The following ESRRB variants were observed in gnomAD, a reference collection of about 807,000 sequenced individuals.
ESRRB encodes the protein estrogen related receptor beta, also known as steroid hormone receptor ERR2.
ESRRB carries 16 observed loss-of-function variants against 46.0 expected under a neutral mutation model. That is an observed-to-expected ratio of 0.35 (90% CI 0.24 to 0.53). The LOEUF (loss-of-function observed/expected upper bound fraction) is 0.53. Among genes scored for constraint, ESRRB ranks in the 20% least tolerant of loss-of-function variants. The pLI is 0.93. For missense variants in ESRRB, 488 were observed against 607.4 expected (o/e 0.80, Z 2.07); for synonymous variants, 246 against 259.6 (o/e 0.95, Z 0.50).
At chr14:76,328,698 C>T (rs1883967254) in intron 1 of ESRRB, among the ~76,000 whole-genome samples, 1 of 152,152 alleles carries the variant, frequency 6.6e-6, no homozygotes. Flanking sequence ...CACACAGACC[C>T]TTCATGACTC....
In ESRRB at chr14:76,456,038, G is replaced by GCGCACA. The variant is rs1555399437; in HGVS notation, c.461-6506_461-6505insGCACAC. Among the ~76,000 whole-genome samples, 394 of 137,292 alleles carry GCGCACA rather than the reference G, an allele frequency of 2.9e-3. 4 individuals carry two copies. The highest frequency in any genetic ancestry group is 0.01 in the African/African-American group (377 of 37,082). The allele number at this position is 137,292 out of a possible 152,430, so 90.1% of individuals were successfully genotyped here. A position where few individuals can be genotyped will look rare whatever the true frequency, so the allele number is the denominator to read the frequency against. On this transcript the variant is annotated intron_variant, in intron 2 of 6. Coordinates refer to ENST00000644823, the MANE Select transcript of ESRRB (RefSeq NM_001379180.1). ...AGCCTGGGCAACAAGAGCGAAACTC[G>GCGCACA]CACACACACACACACACACACACAC...
At chr14:76,479,243 A>G (rs75692159) in intron 3 of ESRRB, among the ~76,000 whole-genome samples, 4 of 151,048 alleles carry the variant, frequency 2.6e-5, no homozygotes, top group South Asian at 2.1e-4. Flanking sequence ...GTACGTGTGC[A>G]TGCGTGCGTG....
intron 1 of ESRRB, among the ~76,000 whole-genome samples, chr14:76,345,884 T>C (rs532322856): frequency 1.3e-5 from 2 of 152,330 alleles, no homozygotes; most frequent in African/African-American, 4.8e-5. Flanking sequence ...CTGTGTGTCT[T>C]GCTTTCCCAG....
intron 1 of ESRRB, among the ~76,000 whole-genome samples, chr14:76,354,160 C>T (rs564131479): frequency 6.6e-6 from 1 of 151,410 alleles, no homozygotes; most frequent in African/African-American, 2.4e-5. Flanking sequence ...CTTCCTCACC[C>T]CCGGGAAATC....
chr14:76,372,735 G>A (rs1450358572), upstream of ESRRB, among the ~76,000 whole-genome samples: 2 of 152,206 alleles, frequency 1.3e-5, no homozygotes, highest in East Asian at 1.9e-4. Context: ...GGGAGGCTGA[G>A]GTGAGAGGAT....
intron 5 of ESRRB, among the ~76,000 whole-genome samples, chr14:76,490,279 C>T (rs1890173531): frequency 6.6e-6 from 1 of 152,218 alleles, no homozygotes; most frequent in South Asian, 2.1e-4. Flanking sequence ...GGTTAAGATG[C>T]TTGAAAATCA....
intron 5 of ESRRB, among the ~76,000 whole-genome samples, chr14:76,485,380 G>A (rs1889967748): frequency 6.6e-6 from 1 of 151,526 alleles, no homozygotes; most frequent in South Asian, 2.1e-4. Flanking sequence ...TGGGACTACA[G>A]GCACGTGCCA....
At chr14:76,410,913 A>G (rs1233386708) in intron 1 of ESRRB, among the ~76,000 whole-genome samples, 2 of 151,890 alleles carry the variant, frequency 1.3e-5, no homozygotes, top group Non-Finnish European at 2.9e-5. Flanking sequence ...CCTCCCGAGT[A>G]GCTGAGATTA....
Position 76,500,605 on chromosome 14 carries a change from G to T in ESRRB, c.*2147G>T. 4.4e-6 allele frequency: 6 copies of T among 1,366,206 alleles called. No individual in the cohort carries two copies. Among genetic ancestry groups the T allele is most frequent in the Non-Finnish European group, 6.3e-6 (6 of 957,074 alleles). 84.6% of individuals were successfully genotyped at this position (1,366,206 alleles called of 1,614,324 possible). On this transcript the variant is annotated 3_prime_UTR_variant, in exon 7 of 7. Transcript: ENST00000644823. Reference sequence around the variant, plus strand: ...GTGTCCTTGCAGCGGGGCCGAGGTAGCACCCTGCTCTGTCACTTCCTGCTC... The same window carrying T: ...GTGTCCTTGCAGCGGGGCCGAGGTATCACCCTGCTCTGTCACTTCCTGCTC...
rs568690498 is a variant in ESRRB at position 76,345,918 on chromosome 14, C to T, written c.2+35002C>T. ...AGGGCTGCTGTCACAAATTGCCACA[C>T]ACCAGGTAGCTTCAAACAACAGAAA... On this transcript the variant is annotated intron_variant, in intron 1 of 6. Coordinates refer to the ESRRB transcript ENST00000512784. Among the ~76,000 whole-genome samples the T allele has an allele frequency of 5.9e-5, 9 of 152,330 alleles. No individual in the cohort carries two copies. In the South Asian group the frequency reaches 1.9e-3, roughly 32 times the overall value.
intron 1 of ESRRB, among the ~76,000 whole-genome samples, chr14:76,383,484 T>C (rs553754258): frequency 1.4e-4 from 22 of 152,330 alleles, no homozygotes; most frequent in African/African-American, 5.3e-4. Flanking sequence ...GGAAATGCTA[T>C]AGGAGAGGAT....
At chr14:76,427,700 T>A (rs1169526024) in intron 1 of ESRRB, among the ~76,000 whole-genome samples, 7 of 152,204 alleles carry the variant, frequency 4.6e-5, no homozygotes, top group Non-Finnish European at 8.8e-5. Context: ...TCTTAATATT[T>A]ATTAAGTACT....
intron 1 of ESRRB, among the ~76,000 whole-genome samples, chr14:76,335,178 A>G (rs1190810480): frequency 6.6e-6 from 1 of 152,106 alleles, no homozygotes; most frequent in African/African-American, 2.4e-5. Context: ...GCTCTCCTTC[A>G]CTGATATCCT....
rs1293023156 is a variant in ESRRB at position 76,449,582 on chromosome 14, T to A, written c.460+9832T>A. Among the ~76,000 whole-genome samples, 5 of 151,918 alleles carry A rather than the reference T, an allele frequency of 3.3e-5. No homozygotes were observed. The South Asian group carries it at 1.0e-3, about 32-fold the overall frequency. On this transcript the variant is annotated intron_variant, in intron 2 of 6. Coordinates refer to ENST00000644823, the MANE Select transcript of ESRRB (RefSeq NM_001379180.1). ...AAAAGAAAAAAAAGTTTGTTTTTAT[T>A]TACTCCCTTTGTAGTGATTCACTCA... is the stretch of plus-strand genomic sequence containing the variant.
chr14:76,346,408 A>T (rs140787453), intron 1 of ESRRB, among the ~76,000 whole-genome samples: 15 of 152,186 alleles, frequency 9.9e-5, no homozygotes, highest in African/African-American at 3.1e-4. Context: ...AATGACTTCC[A>T]CCCGGGGCAC....
At chr14:76,466,493 T>C (rs1259695790) in intron 3 of ESRRB, among the ~76,000 whole-genome samples, 1 of 152,122 alleles carries the variant, frequency 6.6e-6, no homozygotes, top group Non-Finnish European at 1.5e-5. Flanking sequence ...GGACAGATCC[T>C]ATGGCCACGT....
At position 76,500,596 on chromosome 14, in the gene ESRRB, G is replaced by C. The variant is rs1253549926; in HGVS notation, c.*2138G>C. 2.4e-6 allele frequency: 3 copies of C among 1,230,322 alleles called. No individual in the cohort carries two copies. In the African/African-American group the frequency reaches 4.4e-5, roughly 18 times the overall value. 76.2% of individuals were successfully genotyped at this position (1,230,322 alleles called of 1,614,324 possible). On this transcript the variant is annotated 3_prime_UTR_variant, in exon 7 of 7. Transcript: ENST00000644823. ...CACTGTGCTGTGTCCTTGCAGCGGG[G>C]CCGAGGTAGCACCCTGCTCTGTCAC...
rs74476839 is a variant in ESRRB at position 76,421,548 on chromosome 14, C to G, written c.51-17793C>G. On this transcript the variant is annotated intron_variant, in intron 1 of 6. Coordinates refer to ENST00000644823, the MANE Select transcript of ESRRB (RefSeq NM_001379180.1). ...TCCAAAGAGCTTGCACATCTGTTTACTCCATGTACCCTTACAACAACCAAG... is the reference window on the plus strand; with the variant it reads ...TCCAAAGAGCTTGCACATCTGTTTAGTCCATGTACCCTTACAACAACCAAG... 2.6e-3 allele frequency among the ~76,000 whole-genome samples: 400 copies of G among 152,352 alleles called. 1 individual carries two copies. Among genetic ancestry groups the G allele is most frequent in the African/African-American group, 9.2e-3 (383 of 41,580 alleles).
At chr14:76,473,386 A>G (rs1889447767) in intron 3 of ESRRB, among the ~76,000 whole-genome samples, 1 of 152,220 alleles carries the variant, frequency 6.6e-6, no homozygotes, top group Non-Finnish European at 1.5e-5. Flanking sequence ...AAACCTTGCA[A>G]TGCCAGTGGG....
Sources: allele counts gnomAD v4.1 joint callset (sites outside exome capture counted in the v4.1 genomes callset), GRCh38; gene constraint gnomAD v4.1.1; transcripts MANE v1.5; gene names NCBI Gene and HGNC (gene_info 2026-07-23, HGNC 2026-07-21).